Variants in IL12RB1 observed in about 807,000 individuals in gnomAD.
IL12RB1 encodes the protein interleukin-12 receptor subunit beta-1.
Under a neutral mutation model 94.4 loss-of-function variants are expected in IL12RB1, and 64 were observed. The observed-to-expected ratio is 0.68, with a 90% confidence interval of 0.55 to 0.83. IL12RB1 has a LOEUF of 0.83. Ranked by LOEUF, IL12RB1 falls within the 40% of genes least tolerant of loss-of-function variation. The probability of loss-of-function intolerance (pLI) is 0.00; values close to 1 mark genes in which losing one functional copy is unlikely to be tolerated. For synonymous variants in IL12RB1, 362 were observed against 355.5 expected, an observed-to-expected ratio of 1.02 and a Z score of -0.21; for missense variants, 814 against 855.6, an observed-to-expected ratio of 0.95 and a Z score of 0.61.
chr19:18,074,272 A>G (rs1467586967), intron 7 of IL12RB1, among the ~76,000 whole-genome samples: 17 of 152,034 alleles, frequency 1.1e-4, no homozygotes, highest in Admixed American at 3.9e-4. Flanking sequence ...TCGGCCTCCC[A>G]AAGTGCTGGG....
At chr19:18,079,128 G>A (rs1020722108) in intron 4 of IL12RB1, among the ~76,000 whole-genome samples, 61 of 147,090 alleles carry the variant, frequency 4.1e-4, no homozygotes, top group African/African-American at 1.1e-3. Flanking sequence ...TTTTGAGATG[G>A]AGTCTCGCTC....
chr19:18,076,418 T>C (rs1213101001), intron 5 of IL12RB1, 91 bp from the exon 6 acceptor site: 12 of 740,704 alleles, frequency 1.6e-5, no homozygotes, highest in Non-Finnish European at 2.7e-5. Flanking sequence ...TACTTATTTA[T>C]CTGAGACACG....
Position 18,062,252 on chromosome 19 carries a change from G to A in IL12RB1, c.1644C>T (p.Ile548=), listed in dbSNP as rs773403282. The A allele has an allele frequency of 2.5e-6, 4 of 1,612,780 alleles. No individual in the cohort carries two copies. The East Asian group carries it at 8.9e-5, about 36-fold the overall frequency. The change falls in exon 14 of 17, where the codon ATC becomes ATT. Residue 548 remains isoleucine (I), a synonymous_variant. Transcript: ENST00000593993. The part of the protein sequence containing the change: ...SIEVQVSDWL[I]FFASLGSFLS... ...GGAAGCTCCCCAGGGAGGCGAAGAA[G>A]ATGAGCCAATCAGAAACCTGCACTT...
At chr19:18,086,989 G>A (rs2036394683), upstream of IL12RB1, 1 of 1,462,658 alleles carries the variant, frequency 6.8e-7, no homozygotes. Flanking sequence ...CCTAAGGCAA[G>A]TCAAAGTGAA....
Position 18,073,568 on chromosome 19 carries a change from C to G in IL12RB1, c.732G>C (p.Ser244=). ...TCCCATCCTGGCCCAGCTGCTCCAC[C>G]GAGAATCTCACCTGAGGCTGTGGGG... ...ENPPQPQVRF[S]VEQLGQDGRR... Residue 244 remains serine (S), a synonymous_variant, in exon 8 of 17, where the codon TCG becomes TCC. Coordinates refer to ENST00000593993, the MANE Select transcript of IL12RB1 (RefSeq NM_005535.3). The G allele has an allele frequency of 1.2e-6, 2 of 1,612,982 alleles. No individual in the cohort carries two copies. Among genetic ancestry groups the G allele is most frequent in the South Asian group, 2.2e-5 (2 of 91,048 alleles).
At chr19:18,066,484 G>T in intron 12 of IL12RB1, 58 bp downstream of exon 12, 2 of 1,250,838 alleles carry the variant, frequency 1.6e-6, no homozygotes, top group Non-Finnish European at 1.2e-6. Flanking sequence ...CAGCAAGAGA[G>T]ATCACAGGCC....
At chr19:18,098,327 C>G (rs1194646088) in intron 1 of IL12RB1, among the ~76,000 whole-genome samples, 1 of 151,970 alleles carries the variant, frequency 6.6e-6, no homozygotes, top group Admixed American at 6.6e-5. Flanking sequence ...AACTGAGGCT[C>G]TAGTCCCGGA....
At chr19:18,073,226 C>A (rs975010587) in intron 8 of IL12RB1, among the ~76,000 whole-genome samples, 4 of 151,976 alleles carry the variant, frequency 2.6e-5, no homozygotes, top group African/African-American at 9.7e-5. Context: ...ATGCAGTCAC[C>A]ATTATCTCCT....
intron 1 of IL12RB1, among the ~76,000 whole-genome samples, chr19:18,093,092 G>A (rs1220480357): frequency 2.0e-5 from 3 of 151,798 alleles, no homozygotes; most frequent in Non-Finnish European, 4.4e-5. Context: ...ATCGCCTGAG[G>A]TCAGGAGTTT....
rs373972439 is a variant in IL12RB1, at chr19:18,063,963, G to A, written c.1531C>T (p.Arg511Trp). The change falls in exon 13 of 17, where the codon CGG becomes TGG. Residue 511 changes from arginine (R) to tryptophan (W), a missense_variant. Arg to Trp is a moderately radical substitution (Grantham distance 101, BLOSUM62 -3). Coordinates refer to ENST00000593993, the MANE Select transcript of IL12RB1 (RefSeq NM_005535.3). The part of the protein sequence containing the change: ...TETQVTLSGL[R>W]AGVAYTVQVR... ...TGCACCGTGTAGGCTACACCAGCCC[G>A]CAGGCCACTGAGGGTAACTTGGGTC... The A allele has an allele frequency of 1.6e-5, 25 of 1,610,876 alleles. No homozygotes were observed. Among genetic ancestry groups the A allele is most frequent in the Admixed American group, 3.3e-5 (2 of 59,920 alleles).
rs527345458 is a variant in IL12RB1 at position 18,062,273 on chromosome 19, C to A, written c.1623G>T (p.Val541=). 364 of 1,607,998 alleles carry A rather than the reference C, an allele frequency of 2.3e-4. No individual in the cohort carries two copies. The highest frequency in any genetic ancestry group is 3.0e-4 in the Non-Finnish European group (352 of 1,175,402). ...AGAAGATGAGCCAATCAGAAACCTG[C>A]ACTTCTGAGGTGGGAGAGCGTGGGT... ...WSQPQRFSIE[V]QVSDWLIFFA... Residue 541 remains valine, a synonymous_variant, in exon 14 of 17, where the codon GTG becomes GTT. Coordinates refer to ENST00000593993, the MANE Select transcript of IL12RB1 (RefSeq NM_005535.3).
At chr19:18,068,822 C>G (rs2034796175) in intron 10 of IL12RB1, among the ~76,000 whole-genome samples, 1 of 150,782 alleles carries the variant, frequency 6.6e-6, no homozygotes, top group Non-Finnish European at 1.5e-5. Flanking sequence ...AATCTTGACT[C>G]ACTGCAATCC....
At chr19:18,085,552 G>C (rs2036272039) in intron 1 of IL12RB1, among the ~76,000 whole-genome samples, 1 of 151,892 alleles carries the variant, frequency 6.6e-6, no homozygotes, top group South Asian at 2.1e-4. Context: ...TGCATCTCAA[G>C]AGCCATTGAA....
In IL12RB1 at chr19:18,086,666, GA is replaced by G. The variant is rs907463207; in HGVS notation, c.64+93del. ...AGGAAAGACTGAGGCACAGAGAGAT[GA>G]AACCAACCCACACAGCAGGCCCACA... is the stretch of plus-strand genomic sequence containing the variant. On this transcript the variant is annotated intron_variant, in intron 1 of 16. Transcript: ENST00000593993. 2.6e-5 allele frequency: 34 copies of G among 1,309,606 alleles called. No homozygotes were observed. The African/African-American group carries it at 3.2e-4, about 13-fold the overall frequency. 81.1% of individuals were successfully genotyped at this position (1,309,606 alleles called of 1,614,324 possible).
intron 4 of IL12RB1, among the ~76,000 whole-genome samples, chr19:18,080,513 A>G (rs2035818155): frequency 6.6e-6 from 1 of 152,160 alleles, no homozygotes. Context: ...CTGGGATTAC[A>G]GGCGTGATCC....
Position 18,062,183 on chromosome 19 carries a change from G to A in IL12RB1, c.1713C>T (p.Asn571=). ...TAACGGTAAGAGGTGTCAGTTACCT[G>A]TTCAGGCCAAGGTAGCCAAGGACGC... ...LVGVLGYLGL[N]RAARHLCPPL... is the part of the protein sequence containing the mutation. Residue 571 remains asparagine (N), a splice_region_variant and synonymous_variant, in exon 14 of 17, where the codon AAC becomes AAT. Transcript: ENST00000593993. 6.2e-7 allele frequency: 1 copy of A among 1,602,532 alleles called. No homozygotes were observed. Among genetic ancestry groups the A allele is most frequent in the East Asian group, 2.2e-5 (1 of 44,808 alleles).
chr19:18,071,837 G>C (rs2035072874), intron 9 of IL12RB1, among the ~76,000 whole-genome samples: 1 of 152,206 alleles, frequency 6.6e-6, no homozygotes, highest in East Asian at 1.9e-4. Context: ...GCTAATTTTT[G>C]TATTTTTAGT....
intron 1 of IL12RB1, among the ~76,000 whole-genome samples, chr19:18,095,500 G>A (rs2036849451): frequency 6.6e-6 from 1 of 152,114 alleles, no homozygotes; most frequent in African/African-American, 2.4e-5. Context: ...GAAGCAGATT[G>A]GTAGTTGCCA....
intron 1 of IL12RB1, among the ~76,000 whole-genome samples, chr19:18,098,517 G>T (rs1474422991): frequency 1.3e-5 from 2 of 152,074 alleles, no homozygotes; most frequent in Admixed American, 6.6e-5. Context: ...TGTTTAGGAG[G>T]CTGTGTCATC....
Sources: allele counts gnomAD v4.1 joint callset (sites outside exome capture counted in the v4.1 genomes callset), GRCh38; gene constraint gnomAD v4.1.1; transcripts MANE v1.5; gene names NCBI Gene and HGNC (gene_info 2026-07-23, HGNC 2026-07-21).